PTPRD: variants seen among roughly 807,000 people sequenced by gnomAD.
The protein encoded by PTPRD is receptor-type tyrosine-protein phosphatase delta.
A neutral mutation model predicts 214.5 loss-of-function variants in PTPRD; 34 were observed. The observed-to-expected ratio is 0.16, with a 90% CI of 0.12 to 0.21. PTPRD has a LOEUF of 0.21. Ranked by LOEUF, PTPRD falls within the 10% of genes least tolerant of loss-of-function variation. PTPRD has a pLI of 1.00. For missense variants in PTPRD, 2,545 were observed against 2,398.7 expected, an observed-to-expected ratio of 1.06 and a Z score of -1.27; for synonymous variants, 1,128 against 845.7, an observed-to-expected ratio of 1.33 and a Z score of -5.79.
chr9:9,267,793 G>C (rs1237992751), intron 9 of PTPRD, among the ~76,000 whole-genome samples: 1 of 132,114 alleles, frequency 7.6e-6, no homozygotes, highest in African/African-American at 2.8e-5. Context: ...CATTTCAATA[G>C]ACAAAAAAAA....
intron 14 of PTPRD, among the ~76,000 whole-genome samples, chr9:8,548,248 G>A (rs2080863037): frequency 6.6e-6 from 1 of 152,200 alleles, no homozygotes; most frequent in Admixed American, 6.5e-5. Context: ...GCGGACAGGG[G>A]TAGGAAGACA....
chr9:10,269,993 T>C (rs909420226), intron 3 of PTPRD, among the ~76,000 whole-genome samples: 8 of 152,074 alleles, frequency 5.3e-5, no homozygotes, highest in Non-Finnish European at 1.2e-4. Flanking sequence ...AATGTAAGCT[T>C]CTTGAGAGGA....
chr9:9,938,672 T>C (rs533869882), intron 4 of PTPRD, 62 bp from the exon 5 acceptor site: 16 of 152,268 alleles, frequency 1.1e-4, no homozygotes, highest in African/African-American at 3.1e-4. Context: ...AAGATATTCA[T>C]TATGTTATCT....
chr9:8,654,901 GCT>G (rs1013075043), intron 12 of PTPRD, among the ~76,000 whole-genome samples: 1 of 151,958 alleles, frequency 6.6e-6, no homozygotes, highest in African/African-American at 2.4e-5. Flanking sequence ...GATATTATTA[GCT>G]CTTTTTTTCT....
chr9:10,369,781 T>C (rs936064345), intron 2 of PTPRD, among the ~76,000 whole-genome samples: 5 of 152,040 alleles, frequency 3.3e-5, no homozygotes, highest in African/African-American at 1.2e-4. Context: ...AAGAATAGCA[T>C]TAAGTGAGCT....
chr9:9,990,002 G>T (rs1475896340), intron 4 of PTPRD, among the ~76,000 whole-genome samples: 1 of 152,194 alleles, frequency 6.6e-6, no homozygotes, highest in Non-Finnish European at 1.5e-5. Flanking sequence ...TCAACTGGGG[G>T]CTCTCCCAGG....
chr9:9,626,113 G>A (rs1345832153), intron 7 of PTPRD, among the ~76,000 whole-genome samples: 4 of 152,304 alleles, frequency 2.6e-5, no homozygotes, highest in African/African-American at 9.6e-5. Context: ...GTTTATCAAC[G>A]TGTGGTCTAG....
At chr9:8,590,767 C>G in intron 14 of PTPRD, among the ~76,000 whole-genome samples, 1 of 152,128 alleles carries the variant, frequency 6.6e-6, no homozygotes, top group East Asian at 1.9e-4. Context: ...AGCTACAAAC[C>G]AAACAGAATA....
intron 8 of PTPRD, among the ~76,000 whole-genome samples, chr9:9,472,179 C>T (rs1266879026): frequency 6.7e-6 from 1 of 149,460 alleles, no homozygotes; most frequent in Non-Finnish European, 1.5e-5. Context: ...TAATCTACCC[C>T]TACTCCAATC....
intron 5 of PTPRD, among the ~76,000 whole-genome samples, chr9:9,814,937 C>G (rs2048301234): frequency 6.6e-6 from 1 of 151,282 alleles, no homozygotes; most frequent in East Asian, 2.0e-4. Flanking sequence ...GTAGCTGGGA[C>G]TACAGGTGCA....
chr9:8,680,948 T>C (rs2097538531), intron 12 of PTPRD, among the ~76,000 whole-genome samples: 1 of 152,170 alleles, frequency 6.6e-6, no homozygotes, highest in Admixed American at 6.5e-5. Flanking sequence ...AGCAACACAA[T>C]GGAGGATAGG....
At chr9:8,424,763 A>C (rs2094556371) in intron 35 of PTPRD, among the ~76,000 whole-genome samples, 1 of 152,206 alleles carries the variant, frequency 6.6e-6, no homozygotes. Flanking sequence ...GAGAAAGAAC[A>C]AATTAAATCA....
At chr9:9,901,393 G>C (rs540144769) in intron 5 of PTPRD, among the ~76,000 whole-genome samples, 1 of 151,736 alleles carries the variant, frequency 6.6e-6, no homozygotes, top group African/African-American at 2.4e-5. Context: ...CATAACTATG[G>C]ATGAGATCAA....
intron 11 of PTPRD, among the ~76,000 whole-genome samples, chr9:8,934,494 A>ATATAAATATAT (rs2098981278): frequency 2.7e-4 from 2 of 7,434 alleles, no homozygotes; most frequent in Non-Finnish European, 5.1e-4. Context: ...TATATATATA[A>ATATAAATATAT]ATATATATAT....
At chr9:9,748,737 C>T (rs935273019) in intron 6 of PTPRD, among the ~76,000 whole-genome samples, 10 of 152,040 alleles carry the variant, frequency 6.6e-5, no homozygotes, top group East Asian at 1.9e-4. Flanking sequence ...CTTTAACTTA[C>T]GAATTTTGGC....
chr9:8,749,102 A>G (rs2093237897), intron 11 of PTPRD, among the ~76,000 whole-genome samples: 1 of 152,152 alleles, frequency 6.6e-6, no homozygotes, highest in Non-Finnish European at 1.5e-5. Flanking sequence ...AAGAAAAAAA[A>G]AGTAGAAGTT....
At chr9:9,730,669 T>A (rs1205698196) in intron 7 of PTPRD, among the ~76,000 whole-genome samples, 4 of 152,122 alleles carry the variant, frequency 2.6e-5, no homozygotes, top group African/African-American at 7.2e-5. Context: ...GATAATAGTA[T>A]CTCAGTATAT....
intron 2 of PTPRD, among the ~76,000 whole-genome samples, chr9:10,609,227 C>T (rs1261070323): frequency 1.3e-5 from 2 of 151,926 alleles, no homozygotes; most frequent in Non-Finnish European, 1.5e-5. Flanking sequence ...GTAGCTAGAT[C>T]AATAGAGACA....
At chr9:10,100,906 G>A (rs1251660287) in intron 3 of PTPRD, among the ~76,000 whole-genome samples, 1 of 151,570 alleles carries the variant, frequency 6.6e-6, no homozygotes, top group Non-Finnish European at 1.5e-5. Context: ...AGAGCAGGCA[G>A]CATACTGAGA....
Sources: allele counts gnomAD v4.1 joint callset (sites outside exome capture counted in the v4.1 genomes callset), GRCh38; gene constraint gnomAD v4.1.1; transcripts MANE v1.5; gene names NCBI Gene and HGNC (gene_info 2026-07-23, HGNC 2026-07-21).